SCAPER: variants seen among roughly 807,000 people sequenced by gnomAD.
SCAPER encodes S-phase cyclin A associated protein in the ER, also known as S phase cyclin A-associated protein in the endoplasmic reticulum.
A neutral mutation model predicts 182.2 loss-of-function variants in SCAPER; 98 were observed. The observed-to-expected ratio is 0.54, with a 90% CI of 0.46 to 0.64. SCAPER has a LOEUF of 0.64. SCAPER is among the 30% of genes least tolerant of loss of function. The pLI is 0.00. For missense variants in SCAPER, 1,432 were observed against 1,690.0 expected, an observed-to-expected ratio of 0.85 and a Z score of 2.68; for synonymous variants, 605 against 564.6, an observed-to-expected ratio of 1.07 and a Z score of -1.01.
chr15:76,613,985 T>A (rs1480031841), intron 22 of SCAPER, among the ~76,000 whole-genome samples: 1 of 152,042 alleles, frequency 6.6e-6, no homozygotes, highest in African/African-American at 2.4e-5. Context: ...AACAAAGACA[T>A]GGAATCAATT....
chr15:76,817,824 GA>G (rs2067211919), intron 5 of SCAPER, among the ~76,000 whole-genome samples: 1 of 152,018 alleles, frequency 6.6e-6, no homozygotes, highest in South Asian at 2.1e-4. Context: ...AAAAAAATTA[GA>G]AAACTAAGTA....
intron 24 of SCAPER, among the ~76,000 whole-genome samples, chr15:76,499,438 T>A (rs12916573): frequency 0.22 from 33,802 of 152,182 alleles, 4,711 homozygotes; most frequent in Admixed American, 0.35. Context: ...TGAGATCAAA[T>A]TGTAAGTCTA....
intron 22 of SCAPER, among the ~76,000 whole-genome samples, chr15:76,577,390 T>C (rs1161558547): frequency 6.6e-6 from 1 of 152,084 alleles, no homozygotes; most frequent in Non-Finnish European, 1.5e-5. Context: ...AAGGCTGCAG[T>C]GAGCTATGAT....
rs532707707 is a variant in SCAPER at position 76,764,600 on chromosome 15, A to C, written c.1725+361T>G. 4.6e-5 allele frequency among the ~76,000 whole-genome samples: 7 copies of C among 152,352 alleles called. 1 individual carries two copies. Among genetic ancestry groups the C allele is most frequent in the African/African-American group, 1.7e-4 (7 of 41,594 alleles). ...GAAGTAAAAACCAGAGCCAAGAGCA[A>C]GGACCAGGGCTGGCCATGGGCAAAC... On this transcript the variant is annotated intron_variant, in intron 14 of 31. Transcript: ENST00000563290.
At chr15:76,819,142 T>G (rs1318853948) in intron 5 of SCAPER, among the ~76,000 whole-genome samples, 1 of 152,242 alleles carries the variant, frequency 6.6e-6, no homozygotes, top group Non-Finnish European at 1.5e-5. Flanking sequence ...CCTGCCTCTG[T>G]GGGCTCCACA....
intron 17 of SCAPER, among the ~76,000 whole-genome samples, chr15:76,714,203 T>A (rs1489280751): frequency 6.6e-6 from 1 of 152,128 alleles, no homozygotes; most frequent in Non-Finnish European, 1.5e-5. Flanking sequence ...CCAAGCAGCA[T>A]GAAATATTTG....
intron 21 of SCAPER, among the ~76,000 whole-genome samples, chr15:76,641,650 T>A (rs556327054): frequency 6.6e-6 from 1 of 152,238 alleles, no homozygotes; most frequent in East Asian, 1.9e-4. Flanking sequence ...TCTCTCAAGA[T>A]AAACAGGAAC....
intron 24 of SCAPER, among the ~76,000 whole-genome samples, chr15:76,481,447 G>T (rs934001940): frequency 2.6e-5 from 4 of 151,982 alleles, no homozygotes; most frequent in African/African-American, 7.2e-5. Context: ...AGTGTAACAG[G>T]CAACAATGAA....
intron 25 of SCAPER, among the ~76,000 whole-genome samples, chr15:76,440,105 A>G (rs2047459292): frequency 6.6e-6 from 1 of 152,194 alleles, no homozygotes; most frequent in Non-Finnish European, 1.5e-5. Context: ...ATAGAAAAAA[A>G]TCTTAGAATC....
At chr15:76,572,915 T>TCACACACACACACA (rs376553582) in intron 23 of SCAPER, among the ~76,000 whole-genome samples, 12 of 131,260 alleles carry the variant, frequency 9.1e-5, no homozygotes, top group South Asian at 8.0e-4. Flanking sequence ...TCTCTCTCTC[T>TCACACACACACACA]CTCTCACACA....
At chr15:76,780,351 G>C (rs2064039078) in intron 8 of SCAPER, among the ~76,000 whole-genome samples, 6 of 152,246 alleles carry the variant, frequency 3.9e-5, no homozygotes. Context: ...GCTGAGGCTT[G>C]AGGAGGTAAA....
chr15:76,484,522 C>G (rs143772885), intron 24 of SCAPER, among the ~76,000 whole-genome samples: 2,364 of 152,088 alleles, frequency 0.016, 62 homozygotes, highest in African/African-American at 0.055. Context: ...CTAAAAAGAG[C>G]CCAGGACCAG....
intron 22 of SCAPER, among the ~76,000 whole-genome samples, chr15:76,615,125 G>C (rs1029606644): frequency 6.6e-6 from 1 of 152,094 alleles, no homozygotes; most frequent in Non-Finnish European, 1.5e-5. Context: ...AAAATCTCTC[G>C]TTGAAGAAAA....
chr15:76,762,582 C>A (rs1460464846), intron 14 of SCAPER, among the ~76,000 whole-genome samples: 1 of 152,090 alleles, frequency 6.6e-6, no homozygotes, highest in Non-Finnish European at 1.5e-5. Context: ...ATTTTTCATA[C>A]AGTGAATCCA....
chr15:76,901,363 A>G (rs1229124040), intron 1 of SCAPER, among the ~76,000 whole-genome samples: 8 of 152,260 alleles, frequency 5.3e-5, no homozygotes, highest in African/African-American at 1.9e-4. Context: ...ATTTTATCTC[A>G]TGAATGTGGC....
At chr15:76,619,712 T>C (rs1259603898) in intron 22 of SCAPER, among the ~76,000 whole-genome samples, 9 of 152,166 alleles carry the variant, frequency 5.9e-5, no homozygotes, top group Admixed American at 5.9e-4. Flanking sequence ...TAGCATTAGG[T>C]ATATCTCCTA....
intron 25 of SCAPER, among the ~76,000 whole-genome samples, chr15:76,470,315 A>G (rs2050043436): frequency 6.6e-6 from 1 of 152,188 alleles, no homozygotes; most frequent in African/African-American, 2.4e-5. Flanking sequence ...GATCAATTCT[A>G]TCAGAGATGC....
At chr15:76,415,190 ATTACTT>A (rs2142262986) in intron 26 of SCAPER, among the ~76,000 whole-genome samples, 1 of 152,320 alleles carries the variant, frequency 6.6e-6, no homozygotes, top group African/African-American at 2.4e-5. Context: ...AATTTGTACA[ATTACTT>A]TAAAGAACAA....
chr15:76,809,243 T>C (rs969878157), intron 5 of SCAPER, among the ~76,000 whole-genome samples: 1 of 152,106 alleles, frequency 6.6e-6, no homozygotes, highest in Non-Finnish European at 1.5e-5. Context: ...GAAACAGGTA[T>C]ACAAGTTCCA....
Sources: gnomAD v4.1 joint callset for allele counts (sites outside exome capture counted in the v4.1 genomes callset) on GRCh38, gnomAD v4.1.1 for gene constraint, MANE v1.5 for transcripts, NCBI Gene and HGNC (gene_info 2026-07-23, HGNC 2026-07-21) for gene names.